ARHGAP22: variants seen among roughly 807,000 people sequenced by gnomAD.
ARHGAP22 encodes Rho GTPase activating protein 22.
In ARHGAP22, 48 loss-of-function variants were observed where a neutral mutation model predicts 59.1. The observed-to-expected ratio is 0.81, with a 90% CI of 0.64 to 1.03. ARHGAP22 has a LOEUF of 1.03. Ranked by LOEUF, ARHGAP22 falls within the 50% of genes least tolerant of loss-of-function variation. The pLI is 0.00. For synonymous variants in ARHGAP22, 445 were observed against 416.4 expected, an observed-to-expected ratio of 1.07 and a Z score of -0.84; for missense variants, 1,015 against 958.7, an observed-to-expected ratio of 1.06 and a Z score of -0.78.
rs975565732 is a variant in ARHGAP22, at chr10:48,636,565, C to G, written c.52+15669G>C. ...TGTTTCTTGCTGCTCCTTGTACCAC[C>G]TGCACCACAGCCCTGCCCTTTTGCA... is the stretch of plus-strand genomic sequence containing the variant. On this transcript the variant is annotated intron_variant, in intron 1 of 9. Transcript: ENST00000435790. Among the ~76,000 whole-genome samples, 6 of 152,224 alleles carry G rather than the reference C, an allele frequency of 3.9e-5. No homozygotes were observed. In the South Asian group the frequency reaches 8.3e-4, roughly 21 times the overall value.
chr10:48,620,446 A>G (rs1309380715), intron 1 of ARHGAP22, among the ~76,000 whole-genome samples: 1 of 152,168 alleles, frequency 6.6e-6, no homozygotes, highest in South Asian at 2.1e-4. Flanking sequence ...AGTCACACTC[A>G]TATCTTCTGG....
intron 3 of ARHGAP22, among the ~76,000 whole-genome samples, chr10:48,513,753 A>G (rs557563399): frequency 5.3e-5 from 8 of 152,192 alleles, no homozygotes; most frequent in Non-Finnish European, 1.2e-4. Context: ...TACCCAAGAA[A>G]AATAGGTAAG....
At chr10:48,454,945 T>C in intron 6 of ARHGAP22, 57 bp downstream of exon 6, 1 of 1,517,474 alleles carries the variant, frequency 6.6e-7, no homozygotes, top group Non-Finnish European at 8.9e-7. Flanking sequence ...GTCCTGAGTC[T>C]ACAGGCTGCC....
intron 2 of ARHGAP22, among the ~76,000 whole-genome samples, chr10:48,566,659 G>A (rs2058062615): frequency 6.6e-6 from 1 of 152,214 alleles, no homozygotes; most frequent in African/African-American, 2.4e-5. Flanking sequence ...TCTGCAGTCA[G>A]CAGATCGGAC....
chr10:48,464,532 G>A (rs2047463638), intron 4 of ARHGAP22, among the ~76,000 whole-genome samples: 2 of 152,204 alleles, frequency 1.3e-5, no homozygotes, highest in Non-Finnish European at 2.9e-5. Flanking sequence ...GGGGGTGCAG[G>A]GCACATGATG....
chr10:48,650,609 A>G (rs2062521392), intron 1 of ARHGAP22, among the ~76,000 whole-genome samples: 1 of 152,214 alleles, frequency 6.6e-6, no homozygotes, highest in African/African-American at 2.4e-5. Context: ...CAAATTCATT[A>G]AGTTCAGGTA....
intron 3 of ARHGAP22, among the ~76,000 whole-genome samples, chr10:48,503,865 C>T (rs191416115): frequency 2.6e-5 from 4 of 152,356 alleles, no homozygotes; most frequent in East Asian, 3.9e-4. Flanking sequence ...TGAGTAACTC[C>T]GAGCAATGTG....
At chr10:48,575,904 C>A (rs1054094904) in intron 2 of ARHGAP22, among the ~76,000 whole-genome samples, 3 of 152,200 alleles carry the variant, frequency 2.0e-5, no homozygotes, top group Non-Finnish European at 4.4e-5. Flanking sequence ...ATCTAAGTGG[C>A]CTTTCTGCTT....
At chr10:48,655,452 G>C (rs914478444), upstream of ARHGAP22, 1 of 152,356 alleles carries the variant, frequency 6.6e-6, no homozygotes, top group African/African-American at 2.4e-5. Flanking sequence ...AGGGGGAGAA[G>C]GGACAGGAGA....
At chr10:48,557,980 C>T (rs754529235) in intron 2 of ARHGAP22, among the ~76,000 whole-genome samples, 2 of 152,154 alleles carry the variant, frequency 1.3e-5, no homozygotes, top group Admixed American at 6.5e-5. Context: ...CAACTTTGAA[C>T]GTGCCTTGGA....
At position 48,456,720 on chromosome 10, in the gene ARHGAP22, C is replaced by T. The variant is rs74130281; in HGVS notation, c.660-1586G>A. Among the ~76,000 whole-genome samples, 1,003 of 152,202 alleles carry T rather than the reference C, an allele frequency of 6.6e-3. 11 individuals carry two copies. The highest frequency in any genetic ancestry group is 0.029 in the South Asian group (140 of 4,812). Reference sequence around the variant, plus strand: ...GCCACCCCTCCTCTGCAGACCTGCCCGGCTGCATCCCTGCCCCGCAGGGTC... The same window carrying T: ...GCCACCCCTCCTCTGCAGACCTGCCTGGCTGCATCCCTGCCCCGCAGGGTC... On this transcript the variant is annotated intron_variant, in intron 5 of 9. Coordinates refer to ENST00000249601, the MANE Select transcript of ARHGAP22 (RefSeq NM_021226.4).
chr10:48,446,731 C>T (rs367565439), intron 9 of ARHGAP22, 112 bp from the exon 10 acceptor site: 145 of 1,065,622 alleles, frequency 1.4e-4, no homozygotes, highest in African/African-American at 1.1e-3. Flanking sequence ...CAAGCCATGG[C>T]GGCAGGAGGA....
chr10:48,451,617 G>A, intron 8 of ARHGAP22: 1 of 695,718 alleles, frequency 1.4e-6, no homozygotes. Context: ...CCTGTGTGGG[G>A]GCACACACAT....
chr10:48,584,246 G>T (rs1165525462), intron 1 of ARHGAP22, among the ~76,000 whole-genome samples: 1 of 152,218 alleles, frequency 6.6e-6, no homozygotes, highest in Non-Finnish European at 1.5e-5. Flanking sequence ...GTGTGTGTGG[G>T]TGTAAGCTCT....
intron 2 of ARHGAP22, among the ~76,000 whole-genome samples, chr10:48,563,103 C>T (rs887612816): frequency 6.6e-5 from 10 of 151,924 alleles, no homozygotes; most frequent in Admixed American, 3.3e-4. Flanking sequence ...CAAATCACTC[C>T]GACTCTGACC....
chr10:48,449,985 G>GTTTC (rs2045740061), intron 9 of ARHGAP22, among the ~76,000 whole-genome samples: 1 of 152,248 alleles, frequency 6.6e-6, no homozygotes, highest in Non-Finnish European at 1.5e-5. Flanking sequence ...CACCCCTGCA[G>GTTTC]CAAAGGTCCC....
At chr10:48,575,613 C>G (rs1001243874) in intron 2 of ARHGAP22, 1 of 152,226 alleles carries the variant, frequency 6.6e-6, no homozygotes, top group Admixed American at 6.5e-5. Flanking sequence ...AACTTTAAAT[C>G]AATCTTCTAT....
chr10:48,461,928 G>T (rs1200219546), intron 4 of ARHGAP22, among the ~76,000 whole-genome samples: 1 of 152,152 alleles, frequency 6.6e-6, no homozygotes, highest in African/African-American at 2.4e-5. Flanking sequence ...GGCTATTTTG[G>T]AATAAGATAC....
At chr10:48,446,664 G>C (rs746213287) in intron 9 of ARHGAP22, 45 bp from the exon 10 acceptor site, 2 of 1,559,416 alleles carry the variant, frequency 1.3e-6, no homozygotes. Flanking sequence ...TGCGGGCCAG[G>C]TTCACTGTCC....
Sources: gnomAD v4.1 joint callset for allele counts (sites outside exome capture counted in the v4.1 genomes callset) on GRCh38, gnomAD v4.1.1 for gene constraint, MANE v1.5 for transcripts, NCBI Gene and HGNC (gene_info 2026-07-23, HGNC 2026-07-21) for gene names.